The following SRRM4 variants were observed in gnomAD, a reference collection of about 807,000 sequenced individuals.
The protein encoded by SRRM4 is serine/arginine repetitive matrix protein 4.
Under a neutral mutation model 68.9 loss-of-function variants are expected in SRRM4, and 33 were observed. That is an observed-to-expected ratio of 0.48 (90% CI 0.36 to 0.64). The LOEUF is 0.64. Ranked by LOEUF, SRRM4 falls within the 30% of genes least tolerant of loss-of-function variation. The pLI, the probability that SRRM4 is intolerant of heterozygous loss-of-function variation, is 0.00. For missense variants in SRRM4, 817 were observed against 827.1 expected (o/e 0.99, Z 0.15); for synonymous variants, 318 against 318.8 (o/e 1.00, Z 0.03).
chr12:119,105,065 C>A (rs891326136), intron 2 of SRRM4, among the ~76,000 whole-genome samples: 1 of 147,368 alleles, frequency 6.8e-6, no homozygotes, highest in Non-Finnish European at 1.5e-5. Flanking sequence ...TGAGAACATG[C>A]GGTGTTTGGT....
intron 1 of SRRM4, among the ~76,000 whole-genome samples, chr12:119,025,110 T>C (rs1953539602): frequency 6.6e-6 from 1 of 152,030 alleles, no homozygotes; most frequent in Non-Finnish European, 1.5e-5. Flanking sequence ...CTGGTGGGTG[T>C]GCATTAGGGT....
intron 8 of SRRM4, among the ~76,000 whole-genome samples, chr12:119,137,587 GGAGAGAGAGAGAGAGAGAGAGAGA>G (rs55883419): frequency 9.2e-5 from 11 of 119,152 alleles, no homozygotes; most frequent in African/African-American, 2.9e-4. Flanking sequence ...GGTTTGGAGT[GGAGAGAGAGAGAGAGAGAGAGAGA>G]GAGAGAGAGA....
intron 1 of SRRM4, among the ~76,000 whole-genome samples, chr12:118,990,186 G>A (rs1953307654): frequency 6.6e-6 from 1 of 152,196 alleles, no homozygotes; most frequent in African/African-American, 2.4e-5. Flanking sequence ...TGGCTGGTAA[G>A]AGTCAGAATT....
rs1328563894 is a variant in SRRM4, at chr12:119,122,848, T to C, written c.515+728T>C. On this transcript the variant is annotated intron_variant, in intron 6 of 12. Coordinates refer to ENST00000267260, the MANE Select transcript of SRRM4 (RefSeq NM_194286.4). ...GTGTGTGAGCATGTGTATGAATTCA[T>C]GTGCTGACTGTTGGATTTACAGTGT... Among the ~76,000 whole-genome samples, 7 of 152,182 alleles carry C rather than the reference T, an allele frequency of 4.6e-5. No homozygotes were observed. The East Asian group carries it at 1.3e-3, about 29-fold the overall frequency.
intron 2 of SRRM4, among the ~76,000 whole-genome samples, chr12:119,104,783 T>C (rs974892003): frequency 4.6e-5 from 7 of 152,038 alleles, no homozygotes; most frequent in Non-Finnish European, 1.0e-4. Context: ...GTAACCACTG[T>C]GTTGGAACCA....
chr12:119,028,258 C>T (rs974068605), intron 1 of SRRM4, among the ~76,000 whole-genome samples: 2 of 152,136 alleles, frequency 1.3e-5, no homozygotes, highest in African/African-American at 4.8e-5. Context: ...TGAAAAGTGG[C>T]TTAGTATAGG....
chr12:118,982,287 A>T (rs1322494074), intron 1 of SRRM4, among the ~76,000 whole-genome samples: 1 of 152,122 alleles, frequency 6.6e-6, no homozygotes, highest in Non-Finnish European at 1.5e-5. Context: ...GGCGGTGCAG[A>T]TGGGGTACGA....
At chr12:119,032,952 T>C (rs955064725) in intron 1 of SRRM4, among the ~76,000 whole-genome samples, 6 of 152,198 alleles carry the variant, frequency 3.9e-5, no homozygotes, top group Admixed American at 6.5e-5. Flanking sequence ...TAAATCTAAC[T>C]TTTGATCTAT....
intron 9 of SRRM4, among the ~76,000 whole-genome samples, chr12:119,147,680 A>G (rs575687142): frequency 2.0e-5 from 3 of 152,384 alleles, no homozygotes; most frequent in African/African-American, 7.2e-5. Context: ...AGTATAATTT[A>G]TCAACATATC....
chr12:119,001,818 A>G (rs1307889628), intron 1 of SRRM4: 2 of 152,070 alleles, frequency 1.3e-5, no homozygotes, highest in African/African-American at 4.8e-5. Context: ...CCTTGCCTCT[A>G]TAAAATAAAC....
intron 1 of SRRM4, among the ~76,000 whole-genome samples, chr12:119,049,568 A>T (rs905273317): frequency 2.0e-5 from 3 of 152,202 alleles, no homozygotes; most frequent in African/African-American, 7.2e-5. Flanking sequence ...GCTTTAAGGG[A>T]ACTAGGGTAC....
intron 1 of SRRM4, among the ~76,000 whole-genome samples, chr12:119,078,173 A>G (rs549714928): frequency 2.0e-5 from 3 of 152,314 alleles, no homozygotes; most frequent in Admixed American, 1.3e-4. Flanking sequence ...TGGGAAAACT[A>G]TAGCATATAG....
chr12:118,998,238 T>A lies in SRRM4; in HGVS notation c.131+16225T>A, dbSNP rs943554569. Among the ~76,000 whole-genome samples, 13 of 118,060 alleles carry A rather than the reference T, an allele frequency of 1.1e-4. No individual in the cohort carries two copies. The South Asian group carries it at 3.6e-3, about 33-fold the overall frequency. The allele number at this position is 118,060 out of a possible 152,430, so 77.5% of individuals were successfully genotyped here. A position where few individuals can be genotyped will look rare whatever the true frequency, so the allele number is the denominator to read the frequency against. On this transcript the variant is annotated intron_variant, in intron 1 of 12. Transcript: ENST00000267260. The stretch of plus-strand genomic sequence containing the variant: ...TAGAGTGCCAGCCAAGCTTCAGAAC[T>A]GTGCAACTGAGTGGATAAGAGCAAT...
chr12:119,039,876 G>A (rs1045870965), intron 1 of SRRM4, among the ~76,000 whole-genome samples: 9 of 152,000 alleles, frequency 5.9e-5, no homozygotes, highest in African/African-American at 2.2e-4. Context: ...GCTTTTCTCA[G>A]CCACCCATAT....
chr12:119,097,138 T>C (rs1456659521), intron 1 of SRRM4, among the ~76,000 whole-genome samples: 1 of 152,152 alleles, frequency 6.6e-6, no homozygotes, highest in Non-Finnish European at 1.5e-5. Flanking sequence ...ATTTTTTAAA[T>C]GCGATATAGA....
At chr12:119,116,905 C>G (rs551807535) in intron 3 of SRRM4, 32 bp from the exon 4 acceptor site, 1 of 1,609,316 alleles carries the variant, frequency 6.2e-7, no homozygotes, top group African/African-American at 1.3e-5. Flanking sequence ...TTAAGAGCCT[C>G]CTTCTGAAAT....
chr12:119,153,716 T>C, intron 11 of SRRM4, 67 bp downstream of exon 11: 1 of 1,184,448 alleles, frequency 8.4e-7, no homozygotes, highest in Non-Finnish European at 1.2e-6. Flanking sequence ...TCCTCCTCTC[T>C]GGCCCCGCCT....
intron 1 of SRRM4, among the ~76,000 whole-genome samples, chr12:119,010,590 A>G (rs1425053754): frequency 6.6e-6 from 1 of 152,226 alleles, no homozygotes; most frequent in East Asian, 1.9e-4. Flanking sequence ...ACACTCATAC[A>G]TTGCTGTTAG....
chr12:119,002,259 A>C (rs1049525329), intron 1 of SRRM4, among the ~76,000 whole-genome samples: 4 of 151,984 alleles, frequency 2.6e-5, no homozygotes, highest in Admixed American at 2.6e-4. Context: ...TTTCTCTTTG[A>C]TCTTTGAGGA....
Sources: allele counts gnomAD v4.1 joint callset (sites outside exome capture counted in the v4.1 genomes callset), GRCh38; gene constraint gnomAD v4.1.1; transcripts MANE v1.5; gene names NCBI Gene and HGNC (gene_info 2026-07-23, HGNC 2026-07-21).